The following ANO3 variants were observed in gnomAD, a reference collection of about 807,000 sequenced individuals.
ANO3 encodes the protein anoctamin-3.
In ANO3, 99 loss-of-function variants were observed where a neutral mutation model predicts 144.8. That is an observed-to-expected ratio of 0.68 (90% CI 0.58 to 0.81). The LOEUF (loss-of-function observed/expected upper bound fraction) is 0.81. ANO3 is among the 30% of genes least tolerant of loss of function. The probability of loss-of-function intolerance (pLI) is 0.00; values close to 1 mark genes in which losing one functional copy is unlikely to be tolerated. For missense variants in ANO3, 905 were observed against 1,202.2 expected, an observed-to-expected ratio of 0.75 and a Z score of 3.66; for synonymous variants, 414 against 392.6, an observed-to-expected ratio of 1.05 and a Z score of -0.64.
intron 1 of ANO3, among the ~76,000 whole-genome samples, chr11:26,357,199 T>C (rs1855805531): frequency 6.6e-6 from 1 of 152,246 alleles, no homozygotes; most frequent in Admixed American, 6.5e-5. Context: ...AGTACAAATC[T>C]TAGTATGGAC....
At position 26,542,083 on chromosome 11, in the gene ANO3, A is replaced by G. The variant is rs1447568530; in HGVS notation, c.1154+15A>G. 4 of 1,603,886 alleles carry G rather than the reference A, an allele frequency of 2.5e-6. No homozygotes were observed. ...GATTTAATCAGGTACTGCAAATGGA[A>G]CAATAATGAAAAGCAAAGTATTCTG... On this transcript the variant is annotated intron_variant, in intron 11 of 26. Transcript: ENST00000256737.
intron 1 of ANO3, among the ~76,000 whole-genome samples, chr11:26,198,117 G>A (rs1851624661): frequency 6.6e-6 from 1 of 152,112 alleles, no homozygotes; most frequent in Non-Finnish European, 1.5e-5. Flanking sequence ...CACCATAAGA[G>A]GCACATGTTA....
chr11:26,454,691 G>A (rs4325272), intron 3 of ANO3, among the ~76,000 whole-genome samples: 149,093 of 151,982 alleles, frequency 0.98, 73,193 homozygotes, highest in Middle Eastern at 1. Context: ...TATTCCAATC[G>A]ATAGAAAAAG....
At chr11:26,498,262 GT>G (rs1234504851) in intron 4 of ANO3, among the ~76,000 whole-genome samples, 1 of 151,888 alleles carries the variant, frequency 6.6e-6, no homozygotes, top group Non-Finnish European at 1.5e-5. Context: ...GGACTTTACC[GT>G]TTGAAGGTCT....
chr11:26,309,730 G>A, intron 1 of ANO3: 2 of 984,322 alleles, frequency 2.0e-6, no homozygotes, highest in Non-Finnish European at 2.4e-6. Flanking sequence ...GTGAGTCTTG[G>A]GGATGGTGTT....
chr11:26,541,450 AAG>A (rs1167982956), intron 10 of ANO3, among the ~76,000 whole-genome samples: 3 of 152,160 alleles, frequency 2.0e-5, no homozygotes, highest in African/African-American at 7.2e-5. Flanking sequence ...ATAATAAAAA[AAG>A]AGAGAAGAAA....
At chr11:26,443,471 G>T (rs983980001) in intron 2 of ANO3, among the ~76,000 whole-genome samples, 1 of 152,052 alleles carries the variant, frequency 6.6e-6, no homozygotes, top group African/African-American at 2.4e-5. Flanking sequence ...GCATGATGGT[G>T]CACACCTATA....
chr11:26,236,585 A>G (rs1023754964), intron 1 of ANO3, among the ~76,000 whole-genome samples: 53 of 152,218 alleles, frequency 3.5e-4, no homozygotes, highest in South Asian at 8.3e-4. Context: ...TTGGGAGGCC[A>G]AGGTGGGCGG....
At chr11:26,197,687 T>C (rs1851617147) in intron 1 of ANO3, among the ~76,000 whole-genome samples, 1 of 152,100 alleles carries the variant, frequency 6.6e-6, no homozygotes, top group African/African-American at 2.4e-5. Context: ...TCTCCTAAAA[T>C]GTAAGCTTTA....
chr11:26,304,609 C>T (rs933962286), upstream of ANO3, among the ~76,000 whole-genome samples: 1 of 152,024 alleles, frequency 6.6e-6, no homozygotes, highest in Non-Finnish European at 1.5e-5. Context: ...CATTTGATAA[C>T]TTATTTTTTC....
At chr11:26,612,581 T>A (rs115942126) in intron 17 of ANO3, among the ~76,000 whole-genome samples, 1 of 151,844 alleles carries the variant, frequency 6.6e-6, no homozygotes, top group East Asian at 1.9e-4. Context: ...TATGAATTTG[T>A]CTACTGGTAA....
At chr11:26,210,877 T>G (rs1851918081) in intron 1 of ANO3, among the ~76,000 whole-genome samples, 1 of 152,064 alleles carries the variant, frequency 6.6e-6, no homozygotes, top group Non-Finnish European at 1.5e-5. Context: ...TTAAGGAGAT[T>G]TGGGGCTGAA....
At chr11:26,593,532 C>T (rs942408087) in intron 14 of ANO3, among the ~76,000 whole-genome samples, 5 of 152,188 alleles carry the variant, frequency 3.3e-5, no homozygotes, top group Non-Finnish European at 7.3e-5. Context: ...AATGGTCAAG[C>T]ATACCCGGGG....
At chr11:26,215,092 A>G (rs549740453) in intron 1 of ANO3, among the ~76,000 whole-genome samples, 1 of 152,024 alleles carries the variant, frequency 6.6e-6, no homozygotes, top group African/African-American at 2.4e-5. Flanking sequence ...AATCTTAACC[A>G]CCTGAATGAG....
At chr11:26,376,336 T>TA (rs1005327751) in intron 1 of ANO3, among the ~76,000 whole-genome samples, 9 of 151,876 alleles carry the variant, frequency 5.9e-5, no homozygotes, top group African/African-American at 1.4e-4. Flanking sequence ...ATTAAACACT[T>TA]AAAAAAAAGA....
At chr11:26,221,746 A>G (rs1038437296) in intron 1 of ANO3, among the ~76,000 whole-genome samples, 1 of 152,108 alleles carries the variant, frequency 6.6e-6, no homozygotes, top group Non-Finnish European at 1.5e-5. Flanking sequence ...ACATAGTGAG[A>G]GTGGGTGCAA....
At chr11:26,362,258 A>T (rs1855947122) in intron 1 of ANO3, among the ~76,000 whole-genome samples, 2 of 152,136 alleles carry the variant, frequency 1.3e-5, no homozygotes, top group Admixed American at 1.3e-4. Context: ...TAAAAACTTT[A>T]TGTGTCTACT....
chr11:26,527,285 T>G (rs997827315), intron 7 of ANO3, among the ~76,000 whole-genome samples: 1 of 152,120 alleles, frequency 6.6e-6, no homozygotes, highest in African/African-American at 2.4e-5. Context: ...TCATTACTTG[T>G]TTTATCTTTT....
chr11:26,290,546 T>C (rs1331203300), intron 1 of ANO3, among the ~76,000 whole-genome samples: 1 of 152,260 alleles, frequency 6.6e-6, no homozygotes, highest in East Asian at 1.9e-4. Context: ...TGTGTACATT[T>C]AGTGCTATAA....
Sources: allele counts gnomAD v4.1 joint callset (sites outside exome capture counted in the v4.1 genomes callset), GRCh38; gene constraint gnomAD v4.1.1; transcripts MANE v1.5; gene names NCBI Gene and HGNC (gene_info 2026-07-23, HGNC 2026-07-21).